PLAG1: variants seen among roughly 807,000 people sequenced by gnomAD.
PLAG1 encodes PLAG1 zinc finger.
In PLAG1, 7 loss-of-function variants were observed where a neutral mutation model predicts 35.5. The observed-to-expected ratio is 0.20, with a 90% CI of 0.11 to 0.37. PLAG1 has a LOEUF of 0.37. Ranked by LOEUF, PLAG1 falls within the 10% of genes least tolerant of loss-of-function variation. The pLI is 1.00. For missense variants in PLAG1, 454 were observed against 602.8 expected, an observed-to-expected ratio of 0.75 and a Z score of 2.58; for synonymous variants, 229 against 225.4, an observed-to-expected ratio of 1.02 and a Z score of -0.14.
At chr8:56,179,130 C>G (rs1468236316) in intron 2 of PLAG1, among the ~76,000 whole-genome samples, 1 of 147,236 alleles carries the variant, frequency 6.8e-6, no homozygotes, top group African/African-American at 2.5e-5. Context: ...TGTGGGCTAT[C>G]TGGGGAACAG....
chr8:56,181,176 T>A (rs1326471832), intron 1 of PLAG1, among the ~76,000 whole-genome samples: 16 of 152,206 alleles, frequency 1.1e-4, no homozygotes, highest in Non-Finnish European at 1.6e-4. Context: ...TCAAGGATCT[T>A]GAACTAGAAA....
At chr8:56,204,162 T>C (rs1812637034) in intron 1 of PLAG1, among the ~76,000 whole-genome samples, 1 of 152,060 alleles carries the variant, frequency 6.6e-6, no homozygotes, top group South Asian at 2.1e-4. Context: ...ATACAGAAGA[T>C]AGCTTAAGAA....
At chr8:56,204,085 AAC>A (rs1812633409) in intron 1 of PLAG1, among the ~76,000 whole-genome samples, 1 of 152,006 alleles carries the variant, frequency 6.6e-6, no homozygotes, top group African/African-American at 2.4e-5. Context: ...GCAGTTGTGT[AAC>A]ACAGAATAAT....
At chr8:56,208,480 A>G (rs1160127956) in intron 1 of PLAG1, among the ~76,000 whole-genome samples, 1 of 152,244 alleles carries the variant, frequency 6.6e-6, no homozygotes, top group Non-Finnish European at 1.5e-5. Flanking sequence ...AGGTATTTAC[A>G]GAAAGTTGGA....
intron 1 of PLAG1, among the ~76,000 whole-genome samples, chr8:56,208,093 T>C (rs1812747376): frequency 2.0e-5 from 3 of 152,158 alleles, no homozygotes; most frequent in Non-Finnish European, 4.4e-5. Flanking sequence ...AGATTGAATT[T>C]ATTGATATTA....
rs149089465 is a variant in PLAG1, at chr8:56,198,799, CCTT to C, written c.-322+12319_-322+12321del. Among the ~76,000 whole-genome samples, 1,055 of 152,318 alleles carry C rather than the reference CCTT, an allele frequency of 6.9e-3. 34 individuals are homozygous for C. In the East Asian group the frequency reaches 0.11, roughly 16 times the overall value. On this transcript the variant is annotated intron_variant, in intron 1 of 4. Coordinates refer to ENST00000316981, the MANE Select transcript of PLAG1 (RefSeq NM_002655.3). ...CCCCAGGACTCCTCACCTCTGAACT[CCTT>C]CTTAATTCCTTCATGCTGCCTACTG...
intron 1 of PLAG1, among the ~76,000 whole-genome samples, chr8:56,184,273 A>G (rs908625980): frequency 6.6e-6 from 1 of 152,240 alleles, no homozygotes; most frequent in Non-Finnish European, 1.5e-5. Flanking sequence ...TTAATACCAC[A>G]GTGAGATAAT....
At chr8:56,171,010 C>G (rs1038314806) in intron 3 of PLAG1, 81 bp downstream of exon 3, 1 of 203,272 alleles carries the variant, frequency 4.9e-6, no homozygotes, top group Non-Finnish European at 8.7e-6. Context: ...TAATAAAAGA[C>G]CACATTCATA....
chr8:56,192,378 C>T (rs1249794726), intron 1 of PLAG1, among the ~76,000 whole-genome samples: 2 of 152,214 alleles, frequency 1.3e-5, no homozygotes, highest in African/African-American at 2.4e-5. Context: ...AAACTACCTA[C>T]TCGCCAACAA....
chr8:56,179,359 A>G (rs1585792607), intron 2 of PLAG1, 50 bp downstream of exon 2: 1 of 209,372 alleles, frequency 4.8e-6, no homozygotes, highest in Non-Finnish European at 8.3e-6. Flanking sequence ...AGGAACTGGA[A>G]TAATTAATCA....
intron 3 of PLAG1, 49 bp downstream of exon 3, chr8:56,171,042 T>G: frequency 2.8e-6 from 1 of 359,214 alleles, no homozygotes; most frequent in Non-Finnish European, 3.9e-6. Flanking sequence ...AGTCAAATAC[T>G]TTAAAGGTGC....
intron 3 of PLAG1, among the ~76,000 whole-genome samples, chr8:56,168,699 C>T (rs1164447917): frequency 6.6e-6 from 1 of 152,174 alleles, no homozygotes; most frequent in Admixed American, 6.5e-5. Flanking sequence ...TAAAAAGTGG[C>T]ATTATTAAGC....
chr8:56,172,296 T>C (rs1487208593), intron 2 of PLAG1, among the ~76,000 whole-genome samples: 2 of 152,130 alleles, frequency 1.3e-5, no homozygotes, highest in Non-Finnish European at 2.9e-5. Context: ...AAAGCAGCAT[T>C]TTTTTATAGT....
intron 2 of PLAG1, among the ~76,000 whole-genome samples, chr8:56,177,186 T>C (rs1296977103): frequency 6.6e-6 from 1 of 152,234 alleles, no homozygotes; most frequent in East Asian, 1.9e-4. Context: ...GTGTATGTGC[T>C]GATGCTTTAG....
chr8:56,191,209 G>C (rs1812171629), intron 1 of PLAG1, among the ~76,000 whole-genome samples: 1 of 152,188 alleles, frequency 6.6e-6, no homozygotes, highest in South Asian at 2.1e-4. Context: ...CCAGGGCTGG[G>C]AGCAGGAAGA....
chr8:56,169,837 C>T (rs1246767336), intron 3 of PLAG1, among the ~76,000 whole-genome samples: 6 of 152,226 alleles, frequency 3.9e-5, no homozygotes, highest in Admixed American at 3.9e-4. Flanking sequence ...AGCCGCCACA[C>T]CTGGCCTGTG....
chr8:56,178,225 A>T (rs894777848), intron 2 of PLAG1, among the ~76,000 whole-genome samples: 1 of 152,184 alleles, frequency 6.6e-6, no homozygotes, highest in Non-Finnish European at 1.5e-5. Context: ...TATCAGAGGA[A>T]ATTTTCAACT....
intron 1 of PLAG1, among the ~76,000 whole-genome samples, chr8:56,196,780 A>G (rs975881080): frequency 2.0e-5 from 3 of 151,952 alleles, no homozygotes; most frequent in South Asian, 4.2e-4. Context: ...CCTGCCGTGC[A>G]TAATACATGT....
At chr8:56,189,064 G>T (rs1180663822) in intron 1 of PLAG1, among the ~76,000 whole-genome samples, 1 of 152,208 alleles carries the variant, frequency 6.6e-6, no homozygotes, top group Non-Finnish European at 1.5e-5. Context: ...GACCAGTTCT[G>T]TATGTCTAGT....
Sources: gnomAD v4.1 joint callset for allele counts (sites outside exome capture counted in the v4.1 genomes callset) on GRCh38, gnomAD v4.1.1 for gene constraint, MANE v1.5 for transcripts, NCBI Gene and HGNC (gene_info 2026-07-23, HGNC 2026-07-21) for gene names.